LINGO1: variants seen among roughly 807,000 people sequenced by gnomAD.
LINGO1 encodes the protein leucine rich repeat and Ig domain containing 1, also known as leucine-rich repeat and immunoglobulin-like domain-containing nogo receptor-interacting protein 1.
LINGO1 carries 11 observed loss-of-function variants against 37.3 expected under a neutral mutation model. The observed-to-expected ratio is 0.29, with a 90% confidence interval of 0.19 to 0.49. The LOEUF is 0.49. LINGO1 is among the 20% of genes least tolerant of loss of function. The pLI, the probability that LINGO1 is intolerant of heterozygous loss-of-function variation, is 0.99. For synonymous variants in LINGO1, 387 were observed against 403.0 expected, an observed-to-expected ratio of 0.96 and a Z score of 0.48; for missense variants, 585 against 878.2, an observed-to-expected ratio of 0.67 and a Z score of 4.22.
At chr15:77,783,568 G>A (rs12900865) in intron 1 of LINGO1, among the ~76,000 whole-genome samples, 72,034 of 152,066 alleles carry the variant, frequency 0.47, 18,598 homozygotes, top group South Asian at 0.61. Flanking sequence ...GAAGCAGAGA[G>A]AACCAGGCTT....
upstream of LINGO1, among the ~76,000 whole-genome samples, chr15:77,638,531 A>G (rs1004707230): frequency 9.2e-5 from 14 of 152,076 alleles, no homozygotes; most frequent in African/African-American, 3.4e-4. Flanking sequence ...TGTCAGGGGG[A>G]ATTTGAGCTA....
chr15:77,781,777 G>A (rs1439095259), intron 1 of LINGO1, among the ~76,000 whole-genome samples: 1 of 152,234 alleles, frequency 6.6e-6, no homozygotes, highest in African/African-American at 2.4e-5. Context: ...GCCCAGTGGG[G>A]AGCTGCCGGT....
chr15:77,636,348 CGAT>C (rs1470628940), upstream of LINGO1, among the ~76,000 whole-genome samples: 1 of 152,194 alleles, frequency 6.6e-6, no homozygotes, highest in Non-Finnish European at 1.5e-5. Flanking sequence ...CAGGGTTTTA[CGAT>C]GATGATTATT....
intron 2 of LINGO1, among the ~76,000 whole-genome samples, chr15:77,686,187 G>C (rs1248742256): frequency 6.6e-6 from 1 of 152,182 alleles, no homozygotes; most frequent in Non-Finnish European, 1.5e-5. Context: ...GCCTCAGCCT[G>C]ATGTCCCCTG....
Position 77,615,166 on chromosome 15 carries a change from G to C in LINGO1, c.741C>G (p.Ser247=). Residue 247 remains serine (S), a synonymous_variant, in exon 2 of 2, where the codon TCC becomes TCG. Coordinates refer to ENST00000355300, the MANE Select transcript of LINGO1 (RefSeq NM_032808.7). ...RLYRLKVLEI[S]HWPYLDTMTP... The stretch of plus-strand genomic sequence containing the variant: ...TCATGGTGTCCAAGTAGGGCCAGTG[G>C]GAGATCTCCAAGACCTTGAGTCGGT... 1 of 1,613,830 alleles carries C rather than the reference G, an allele frequency of 6.2e-7. No individual in the cohort carries two copies. Among genetic ancestry groups the C allele is most frequent in the Non-Finnish European group, 8.5e-7 (1 of 1,179,820 alleles).
rs148776410 is a variant in LINGO1 at position 77,760,688 on chromosome 15, C to T, written c.-256-25635G>A. Among the ~76,000 whole-genome samples the T allele has an allele frequency of 4.2e-3, 637 of 152,260 alleles. 5 individuals are homozygous for T. Among genetic ancestry groups the T allele is most frequent in the African/African-American group, 0.014 (568 of 41,534 alleles). On this transcript the variant is annotated intron_variant, in intron 1 of 3. Coordinates refer to the LINGO1 transcript ENST00000561686. ...CATAGGCTAGCTGCTCACTGGGAGC[C>T]AGCCTCCAGTTCTGAGGTTCCAAAT...
At chr15:77,717,838 C>CT (rs2076003272) in intron 2 of LINGO1, among the ~76,000 whole-genome samples, 1 of 150,854 alleles carries the variant, frequency 6.6e-6, no homozygotes, top group Non-Finnish European at 1.5e-5. Flanking sequence ...TGGGGAAAGG[C>CT]CCAGCCCAGC....
chr15:77,775,515 C>G (rs1320586666), intron 1 of LINGO1, among the ~76,000 whole-genome samples: 1 of 152,172 alleles, frequency 6.6e-6, no homozygotes, highest in Non-Finnish European at 1.5e-5. Context: ...CAGCTCCTCC[C>G]TCTCTCTGAA....
At chr15:77,811,267 T>C (rs1213130307) in intron 1 of LINGO1, among the ~76,000 whole-genome samples, 2 of 152,124 alleles carry the variant, frequency 1.3e-5, no homozygotes, top group Non-Finnish European at 2.9e-5. Context: ...AAACAAGAAG[T>C]TGTTTTAGAT....
In LINGO1 at chr15:77,728,357, G is replaced by T. The variant is rs570618629; in HGVS notation, c.-195+6635C>A. Among the ~76,000 whole-genome samples, 11 of 152,358 alleles carry T rather than the reference G, an allele frequency of 7.2e-5. No individual in the cohort carries two copies. The East Asian group carries it at 2.1e-3, about 29-fold the overall frequency. On this transcript the variant is annotated intron_variant, in intron 2 of 3. Coordinates refer to the LINGO1 transcript ENST00000561686. ...CGTCTGCTGAGTCCCAACCCCCAGA[G>T]CTCACCCTGTTCCGGCCAGGCCAGA... is the stretch of plus-strand genomic sequence containing the variant.
intron 2 of LINGO1, among the ~76,000 whole-genome samples, chr15:77,683,335 C>G (rs1431034413): frequency 6.6e-6 from 1 of 152,178 alleles, no homozygotes; most frequent in Non-Finnish European, 1.5e-5. Context: ...AGCAAGCAGA[C>G]CCTTCACCCC....
At chr15:77,668,242 T>C (rs2075175599) in intron 3 of LINGO1, among the ~76,000 whole-genome samples, 1 of 152,088 alleles carries the variant, frequency 6.6e-6, no homozygotes, top group Admixed American at 6.5e-5. Context: ...CCCAGCTCAG[T>C]GAACTCTCTG....
chr15:77,782,220 CA>C (rs1421543002), intron 1 of LINGO1, among the ~76,000 whole-genome samples: 5 of 129,592 alleles, frequency 3.9e-5, no homozygotes, highest in Non-Finnish European at 7.1e-5. Context: ...CGTACACACA[CA>C]CACACACACA....
chr15:77,664,164 T>TGCGC lies in LINGO1; in HGVS notation c.-13+12924_-13+12925insGCGC, dbSNP rs1161696784. On this transcript the variant is annotated intron_variant, in intron 3 of 3. Coordinates refer to the LINGO1 transcript ENST00000559893. ...GTGTGTGTGTGTGTGTGTGTGTGTG[T>TGCGC]GTGTGTGCGCGCGCGCATGCGTTTG... Among the ~76,000 whole-genome samples, 99 of 107,964 alleles carry TGCGC rather than the reference T, an allele frequency of 9.2e-4. 2 individuals carry two copies. The highest frequency in any genetic ancestry group is 4.0e-3 in the African/African-American group (96 of 24,150). The allele number at this position is 107,964 out of a possible 152,430, so 70.8% of individuals were successfully genotyped here.
intron 1 of LINGO1, among the ~76,000 whole-genome samples, chr15:77,627,152 G>C (rs1351769980): frequency 6.6e-6 from 1 of 152,146 alleles, no homozygotes; most frequent in Non-Finnish European, 1.5e-5. Context: ...CATGTAATAA[G>C]AGGTTGGAGA....
intron 1 of LINGO1, among the ~76,000 whole-genome samples, chr15:77,762,815 G>GC (rs139052405): frequency 0.032 from 4,913 of 152,028 alleles, 117 homozygotes; most frequent in Non-Finnish European, 0.047. Flanking sequence ...CTGCCAAGCA[G>GC]CCCCCCACAC....
intron 1 of LINGO1, among the ~76,000 whole-genome samples, chr15:77,746,974 G>A (rs1343545254): frequency 6.6e-6 from 1 of 152,158 alleles, no homozygotes; most frequent in East Asian, 1.9e-4. Context: ...TCTAGGCCAG[G>A]AGAGGGCAGG....
exon 2 of LINGO1, chr15:77,796,036 G>A (rs1037701124): frequency 6.6e-6 from 1 of 152,422 alleles, no homozygotes; most frequent in Non-Finnish European, 1.5e-5. Flanking sequence ...GAGCCTCAGG[G>A]CCTGTGGGTG....
intron 1 of LINGO1, among the ~76,000 whole-genome samples, chr15:77,763,729 G>A (rs995337997): frequency 1.3e-5 from 2 of 152,138 alleles, no homozygotes; most frequent in East Asian, 1.9e-4. Flanking sequence ...TATCCAGGAG[G>A]AGACAGGCTC....
Sources: gnomAD v4.1 joint callset for allele counts (sites outside exome capture counted in the v4.1 genomes callset) on GRCh38, gnomAD v4.1.1 for gene constraint, MANE v1.5 for transcripts, NCBI Gene and HGNC (gene_info 2026-07-23, HGNC 2026-07-21) for gene names.